PTPN14: variants seen among roughly 807,000 people sequenced by gnomAD.
PTPN14 encodes the protein tyrosine-protein phosphatase non-receptor type 14.
Under a neutral mutation model 126.8 loss-of-function variants are expected in PTPN14, and 53 were observed. The observed-to-expected ratio is 0.42, with a 90% confidence interval of 0.34 to 0.53. PTPN14 has a LOEUF of 0.53. PTPN14 is among the 20% of genes least tolerant of loss of function. PTPN14 has a pLI of 0.08. For synonymous variants in PTPN14, 630 were observed against 599.3 expected, an observed-to-expected ratio of 1.05 and a Z score of -0.75; for missense variants, 1,257 against 1,552.9, an observed-to-expected ratio of 0.81 and a Z score of 3.20.
At chr1:214,498,102 T>C (rs1654580980) in intron 1 of PTPN14, among the ~76,000 whole-genome samples, 1 of 152,212 alleles carries the variant, frequency 6.6e-6, no homozygotes, top group Non-Finnish European at 1.5e-5. Flanking sequence ...ATGCTTAAAA[T>C]ATTATAACAA....
intron 1 of PTPN14, among the ~76,000 whole-genome samples, chr1:214,477,051 A>G (rs2102670180): frequency 6.6e-6 from 1 of 152,330 alleles, no homozygotes; most frequent in East Asian, 1.9e-4. Flanking sequence ...ATATGAAACC[A>G]AAACATGCAA....
chr1:214,371,360 T>C (rs953949153), intron 16 of PTPN14, among the ~76,000 whole-genome samples: 3 of 152,202 alleles, frequency 2.0e-5, no homozygotes, highest in Non-Finnish European at 4.4e-5. Flanking sequence ...GAGCTCAGGG[T>C]TGCACATCGT....
chr1:214,442,740 C>T (rs1280511120), intron 3 of PTPN14, among the ~76,000 whole-genome samples: 1 of 151,948 alleles, frequency 6.6e-6, no homozygotes, highest in East Asian at 1.9e-4. Context: ...GCTAAGTTAA[C>T]TTCATCTTAT....
At chr1:214,366,176 C>T (rs35090781) in intron 17 of PTPN14, among the ~76,000 whole-genome samples, 21,826 of 151,930 alleles carry the variant, frequency 0.14, 1,579 homozygotes, top group Middle Eastern at 0.2. Context: ...AAAACTCCGC[C>T]TCAATTAAAA....
At chr1:214,503,051 A>G (rs1654746190) in intron 1 of PTPN14, among the ~76,000 whole-genome samples, 1 of 152,230 alleles carries the variant, frequency 6.6e-6, no homozygotes, top group Admixed American at 6.5e-5. Context: ...ATAAGATCCA[A>G]TTAAATGAGA....
At chr1:214,481,475 C>A (rs1660983818) in intron 1 of PTPN14, among the ~76,000 whole-genome samples, 3 of 135,248 alleles carry the variant, frequency 2.2e-5, no homozygotes. Context: ...GGCACCATTG[C>A]ACTCCAGCCT....
At chr1:214,358,156 T>C in intron 18 of PTPN14, 106 bp from the exon 19 acceptor site, 1 of 1,392,716 alleles carries the variant, frequency 7.2e-7, no homozygotes, top group Non-Finnish European at 9.7e-7. Context: ...CATGTCCAGG[T>C]ACAAGAGAAG....
chr1:214,368,594 C>G (rs1413043632), intron 17 of PTPN14, among the ~76,000 whole-genome samples: 1 of 152,156 alleles, frequency 6.6e-6, no homozygotes, highest in Non-Finnish European at 1.5e-5. Flanking sequence ...GTACACAGTT[C>G]AGTGGCATTA....
intron 17 of PTPN14, among the ~76,000 whole-genome samples, chr1:214,366,179 A>G (rs1024297476): frequency 6.6e-6 from 1 of 152,194 alleles, no homozygotes; most frequent in African/African-American, 2.4e-5. Flanking sequence ...ACTCCGCCTC[A>G]ATTAAAAAAA....
Position 214,505,721 on chromosome 1 carries a change from C to G in PTPN14, c.-154-40764G>C, listed in dbSNP as rs555838920. 4.3e-4 allele frequency among the ~76,000 whole-genome samples: 66 copies of G among 152,276 alleles called. 1 individual carries two copies. In the South Asian group the frequency reaches 0.014, roughly 32 times the overall value. On this transcript the variant is annotated intron_variant, in intron 1 of 18. Transcript: ENST00000366956. The stretch of plus-strand genomic sequence containing the variant: ...GACATGCCTAGGCAACACAGCAAGA[C>G]GTCACCTCTCCCAAAACTTTTTAAA...
intron 1 of PTPN14, among the ~76,000 whole-genome samples, chr1:214,480,280 T>G (rs1660956276): frequency 6.6e-6 from 1 of 152,324 alleles, no homozygotes; most frequent in South Asian, 2.1e-4. Flanking sequence ...TGACTATGAT[T>G]TCCATTTCTT....
intron 1 of PTPN14, among the ~76,000 whole-genome samples, chr1:214,468,205 G>T (rs6540838): frequency 0.81 from 122,523 of 152,200 alleles, 49,279 homozygotes; most frequent in Middle Eastern, 0.83. Context: ...AGTGGATATA[G>T]CAGGGGTAAA....
chr1:214,521,776 A>G (rs1168599018), intron 1 of PTPN14, among the ~76,000 whole-genome samples: 1 of 152,154 alleles, frequency 6.6e-6, no homozygotes, highest in Non-Finnish European at 1.5e-5. Flanking sequence ...TCAATAAGAA[A>G]AACAACTAAA....
intron 1 of PTPN14, among the ~76,000 whole-genome samples, chr1:214,520,065 A>AAAAAAAAATATATATATATATATATATAT: frequency 1.4e-5 from 1 of 71,112 alleles, no homozygotes; most frequent in East Asian, 4.8e-4. Flanking sequence ...AAAAAAAAAA[A>AAAAAAAAATATATATATATATATATATAT]ATATATATAT....
At chr1:214,549,915 C>A (rs1460071129) in intron 1 of PTPN14, among the ~76,000 whole-genome samples, 1 of 152,208 alleles carries the variant, frequency 6.6e-6, no homozygotes, top group Non-Finnish European at 1.5e-5. Flanking sequence ...CCCAGCAACA[C>A]TGCACCAACA....
chr1:214,519,781 G>A (rs888141572), intron 1 of PTPN14, among the ~76,000 whole-genome samples: 1 of 151,930 alleles, frequency 6.6e-6, no homozygotes, highest in Non-Finnish European at 1.5e-5. Context: ...TGGGTGTCGT[G>A]GCTCACGCTT....
At chr1:214,412,920 G>T (rs1659341489) in intron 4 of PTPN14, among the ~76,000 whole-genome samples, 1 of 152,054 alleles carries the variant, frequency 6.6e-6, no homozygotes, top group African/African-American at 2.4e-5. Flanking sequence ...TCTGGGCTGG[G>T]GTGTAGTGAA....
intron 1 of PTPN14, among the ~76,000 whole-genome samples, chr1:214,504,174 G>A (rs1242362743): frequency 2.0e-5 from 3 of 152,084 alleles, no homozygotes; most frequent in Admixed American, 6.5e-5. Flanking sequence ...AACAACTGCC[G>A]CTGCCTCTCC....
chr1:214,435,499 A>G (rs1245579849), intron 3 of PTPN14, among the ~76,000 whole-genome samples: 1 of 151,004 alleles, frequency 6.6e-6, no homozygotes, highest in African/African-American at 2.4e-5. Context: ...AAACCCTTTA[A>G]AAAAAAAAGT....
Sources: gnomAD v4.1 joint callset for allele counts (sites outside exome capture counted in the v4.1 genomes callset) on GRCh38, gnomAD v4.1.1 for gene constraint, MANE v1.5 for transcripts, NCBI Gene and HGNC (gene_info 2026-07-23, HGNC 2026-07-21) for gene names.